The following LRBA variants were observed in gnomAD, a reference collection of about 807,000 sequenced individuals.
LRBA encodes the protein lipopolysaccharide-responsive and beige-like anchor protein.
In LRBA, 176 loss-of-function variants were observed where a neutral mutation model predicts 330.0. That is an observed-to-expected ratio of 0.53 (90% CI 0.47 to 0.60). LRBA has a LOEUF of 0.60. Among genes scored for constraint, LRBA ranks in the 20% least tolerant of loss-of-function variants. LRBA has a pLI of 0.00. For synonymous variants in LRBA, 1,230 were observed against 1,193.0 expected (o/e 1.03, Z -0.64); for missense variants, 3,259 against 3,444.8 (o/e 0.95, Z 1.35).
At chr4:150,775,452 AACACACACACACACACACACACAC>A (rs200525703) in intron 34 of LRBA, among the ~76,000 whole-genome samples, 8 of 33,910 alleles carry the variant, frequency 2.4e-4, no homozygotes, top group African/African-American at 4.1e-4. Context: ...TCTGCAATGG[AACACACACACACACACACACACAC>A]ACACACACAC....
At chr4:150,584,105 T>G in intron 40 of LRBA, 1 of 1,537,864 alleles carries the variant, frequency 6.5e-7, no homozygotes, top group Non-Finnish European at 8.8e-7. Flanking sequence ...CTGGACAAAC[T>G]ATAGGGTGCT....
At chr4:150,413,394 C>T (rs781498593) in intron 47 of LRBA, among the ~76,000 whole-genome samples, 10 of 151,696 alleles carry the variant, frequency 6.6e-5, no homozygotes, top group Non-Finnish European at 1.3e-4. Context: ...AGTCCATTAA[C>T]TAGTAAAGAG....
chr4:150,524,325 C>CA (rs746180722), intron 40 of LRBA, among the ~76,000 whole-genome samples: 13 of 152,154 alleles, frequency 8.5e-5, no homozygotes, highest in Non-Finnish European at 1.5e-4. Flanking sequence ...ATTTCTCACA[C>CA]AAAAATTAAT....
intron 40 of LRBA, among the ~76,000 whole-genome samples, chr4:150,539,221 G>A (rs191440070): frequency 4.6e-5 from 7 of 152,230 alleles, no homozygotes; most frequent in Admixed American, 2.0e-4. Flanking sequence ...TGATCCGCCC[G>A]CTGCGGCCTC....
intron 53 of LRBA, among the ~76,000 whole-genome samples, chr4:150,295,726 G>A (rs1159454085): frequency 6.6e-6 from 1 of 152,130 alleles, no homozygotes; most frequent in Non-Finnish European, 1.5e-5. Context: ...TACATATGTA[G>A]CTTCGTGATC....
At chr4:150,946,271 AAAG>A (rs1487216180) in intron 2 of LRBA, among the ~76,000 whole-genome samples, 1 of 152,236 alleles carries the variant, frequency 6.6e-6, no homozygotes, top group Non-Finnish European at 1.5e-5. Context: ...CACTATCAAC[AAAG>A]AAGAACTAAT....
At position 150,796,815 on chromosome 4, in the gene LRBA, A is replaced by G. The variant is rs138907442; in HGVS notation, c.5580+1266T>C. On this transcript the variant is annotated intron_variant, in intron 34 of 56. Transcript: ENST00000651943. Reference sequence around the variant, plus strand: ...TAAGGAAACATCCAAAACCATAAGAATGCTCTTTTAAAGTGAGGGCAATTT... The same window carrying G: ...TAAGGAAACATCCAAAACCATAAGAGTGCTCTTTTAAAGTGAGGGCAATTT... Among the ~76,000 whole-genome samples, 501 of 152,086 alleles carry G rather than the reference A, an allele frequency of 3.3e-3. 4 individuals are homozygous for G. The highest frequency in any genetic ancestry group is 0.012 in the African/African-American group (481 of 41,574).
At chr4:151,011,685 C>T (rs1320270020) in intron 2 of LRBA, among the ~76,000 whole-genome samples, 1 of 150,582 alleles carries the variant, frequency 6.6e-6, no homozygotes, top group East Asian at 2.0e-4. Context: ...GACTAATTTA[C>T]AGAATCCCAA....
intron 47 of LRBA, among the ~76,000 whole-genome samples, chr4:150,404,440 C>T (rs549410131): frequency 5.0e-4 from 76 of 152,200 alleles, no homozygotes; most frequent in Admixed American, 1.4e-3. Context: ...TAACGATGCA[C>T]GCTTTAGGGT....
intron 2 of LRBA, among the ~76,000 whole-genome samples, chr4:151,007,239 C>G (rs544009090): frequency 6.6e-6 from 1 of 152,146 alleles, no homozygotes; most frequent in African/African-American, 2.4e-5. Context: ...CAGTGGCTCA[C>G]GCCTGTAATC....
chr4:150,288,194 T>C lies in LRBA; in HGVS notation c.8018-2160A>G, dbSNP rs559146823. Among the ~76,000 whole-genome samples the C allele has an allele frequency of 5.7e-4, 87 of 151,794 alleles. 1 individual carries two copies. The South Asian group carries it at 0.016, about 29-fold the overall frequency. ...TTTTAGTAGAGACGGGGTTTCACCG[T>C]GGTCTCGATCTCCTGACCTCGTGAT... On this transcript the variant is annotated intron_variant, in intron 53 of 56. Coordinates refer to ENST00000651943, the MANE Select transcript of LRBA (RefSeq NM_001364905.1).
At chr4:150,481,638 T>A (rs1386616167) in intron 42 of LRBA, among the ~76,000 whole-genome samples, 7 of 151,810 alleles carry the variant, frequency 4.6e-5, no homozygotes, top group Admixed American at 4.6e-4. Flanking sequence ...TTTCAGTAAT[T>A]TCATATAAAT....
intron 2 of LRBA, among the ~76,000 whole-genome samples, chr4:150,942,251 CT>C (rs547585533): frequency 1.3e-4 from 20 of 152,276 alleles, no homozygotes; most frequent in African/African-American, 4.6e-4. Context: ...TGGTTTTCCC[CT>C]GTCCCTTCTC....
At chr4:150,354,256 A>G (rs1358267155) in intron 47 of LRBA, among the ~76,000 whole-genome samples, 1 of 152,160 alleles carries the variant, frequency 6.6e-6, no homozygotes, top group African/African-American at 2.4e-5. Flanking sequence ...AATTCTTCAT[A>G]TATAGAAAAT....
At chr4:150,399,904 A>G (rs548708070) in intron 47 of LRBA, among the ~76,000 whole-genome samples, 4 of 152,290 alleles carry the variant, frequency 2.6e-5, no homozygotes, top group Admixed American at 2.6e-4. Context: ...TGAACTCAGG[A>G]GGTGGAAGTT....
intron 36 of LRBA, among the ~76,000 whole-genome samples, chr4:150,696,731 C>T (rs1348367689): frequency 1.3e-5 from 2 of 151,814 alleles, no homozygotes; most frequent in Non-Finnish European, 2.9e-5. Flanking sequence ...AGAGGCTGGG[C>T]ACAGTGGCTC....
At chr4:150,879,067 A>G (rs1728080490) in intron 17 of LRBA, among the ~76,000 whole-genome samples, 1 of 152,106 alleles carries the variant, frequency 6.6e-6, no homozygotes, top group South Asian at 2.1e-4. Flanking sequence ...AGACACAACG[A>G]AAAAGAAAAC....
intron 37 of LRBA, among the ~76,000 whole-genome samples, chr4:150,669,984 A>C (rs1479577240): frequency 6.6e-6 from 1 of 152,192 alleles, no homozygotes; most frequent in Non-Finnish European, 1.5e-5. Context: ...AAGTCTTCTT[A>C]CTGATGGTAT....
At chr4:150,486,168 A>G (rs962211047) in intron 42 of LRBA, among the ~76,000 whole-genome samples, 2 of 151,898 alleles carry the variant, frequency 1.3e-5, no homozygotes, top group African/African-American at 4.8e-5. Context: ...AACAATGTAT[A>G]TATGTATCAA....
Sources: allele counts gnomAD v4.1 joint callset (sites outside exome capture counted in the v4.1 genomes callset), GRCh38; gene constraint gnomAD v4.1.1; transcripts MANE v1.5; gene names NCBI Gene and HGNC (gene_info 2026-07-23, HGNC 2026-07-21).